The following MALRD1 variants were observed in gnomAD, a reference collection of about 807,000 sequenced individuals.
MALRD1 encodes MAM and LDL-receptor class A domain-containing protein 1.
Under a neutral mutation model 242.1 loss-of-function variants are expected in MALRD1, and 247 were observed. The observed-to-expected ratio is 1.02, with a 90% confidence interval of 0.92 to 1.13. The LOEUF (loss-of-function observed/expected upper bound fraction) is 1.13. MALRD1 is among the 50% of genes most tolerant of loss of function. The pLI, the probability that MALRD1 is intolerant of heterozygous loss-of-function variation, is 0.00. For synonymous variants in MALRD1, 995 were observed against 866.6 expected, an observed-to-expected ratio of 1.15 and a Z score of -2.60; for missense variants, 2,989 against 2,533.1, an observed-to-expected ratio of 1.18 and a Z score of -3.86.
Position 19,146,228 on chromosome 10 carries a change from G to T in MALRD1, c.1442G>T (p.Gly481Val). 1 of 1,231,642 alleles carries T rather than the reference G, an allele frequency of 8.1e-7. No homozygotes were observed. Among genetic ancestry groups the T allele is most frequent in the Non-Finnish European group, 1.0e-6 (1 of 987,936 alleles). The allele number at this position is 1,231,642 out of a possible 1,614,324, so 76.3% of individuals were successfully genotyped here. ...CATCTCACCTGTGACTTTGAGTCGG[G>T]TTTCTGCGGTTGGGAGCCATTTCTC... ...SKHLTCDFES[G>V]FCGWEPFLTE... Residue 481 changes from glycine to valine, a missense_variant, in exon 11 of 40, where the codon GGT becomes GTT. Gly to Val is a moderately radical substitution (Grantham distance 109). Transcript: ENST00000454679.
intron 26 of MALRD1, among the ~76,000 whole-genome samples, chr10:19,370,956 G>A (rs1054412353): frequency 2.0e-5 from 3 of 150,042 alleles, no homozygotes; most frequent in African/African-American, 7.3e-5. Flanking sequence ...TTAAAAAAGT[G>A]TTTTTCTTCC....
At chr10:19,113,792 TAC>T (rs753384799) in intron 5 of MALRD1, among the ~76,000 whole-genome samples, 3,595 of 134,380 alleles carry the variant, frequency 0.027, 72 homozygotes, top group African/African-American at 0.056. Context: ...TACCACCCCC[TAC>T]ACACACACAC....
chr10:19,612,993 G>T (rs1473020262), intron 35 of MALRD1, among the ~76,000 whole-genome samples: 1 of 151,886 alleles, frequency 6.6e-6, no homozygotes, highest in Non-Finnish European at 1.5e-5. Flanking sequence ...CCCTTTCCTT[G>T]TATGTTTTAC....
intron 11 of MALRD1, among the ~76,000 whole-genome samples, chr10:19,147,959 G>A (rs1392398584): frequency 6.6e-6 from 1 of 152,136 alleles, no homozygotes; most frequent in Non-Finnish European, 1.5e-5. Context: ...GATTGGACAG[G>A]GAGAAGAGAA....
chr10:19,529,447 T>G (rs1834241312), intron 31 of MALRD1, among the ~76,000 whole-genome samples: 2 of 145,740 alleles, frequency 1.4e-5, no homozygotes, highest in East Asian at 2.0e-4. Context: ...AGAAAAAGAA[T>G]GTAAAAACAG....
chr10:19,587,912 T>G (rs564735042), intron 33 of MALRD1, among the ~76,000 whole-genome samples: 264 of 14,228 alleles, frequency 0.019, no homozygotes, highest in African/African-American at 0.024. Context: ...ATCCTAGGTG[T>G]TTTTTTTTTT....
chr10:19,670,093 A>ACACAAACAC (rs1564529476), intron 36 of MALRD1, among the ~76,000 whole-genome samples: 40 of 115,178 alleles, frequency 3.5e-4, no homozygotes, highest in African/African-American at 1.2e-3. Context: ...CACACACACA[A>ACACAAACAC]ACACACACAC....
At chr10:19,287,509 GT>G (rs979634234) in intron 21 of MALRD1, among the ~76,000 whole-genome samples, 9 of 151,720 alleles carry the variant, frequency 5.9e-5, no homozygotes, top group African/African-American at 2.2e-4. Context: ...TGTTTCCTTT[GT>G]TTATATTTTT....
chr10:19,632,379 C>T lies in MALRD1; in HGVS notation c.6137+16456C>T, dbSNP rs573265678. ...AGCAGGAAGCCAGCCAACCAGGCAA[C>T]ATGGATAGGAAAGCAGTCCATAGAT... On this transcript the variant is annotated intron_variant, in intron 36 of 39. Transcript: ENST00000454679. Among the ~76,000 whole-genome samples, 9 of 152,222 alleles carry T rather than the reference C, an allele frequency of 5.9e-5. No homozygotes were observed. The South Asian group carries it at 1.7e-3, about 28-fold the overall frequency.
intron 38 of MALRD1, among the ~76,000 whole-genome samples, chr10:19,705,804 T>TAAAAAAAAAAAAAAAAAAAAAAAAAA (rs61437328): frequency 1.9e-5 from 2 of 102,904 alleles, no homozygotes; most frequent in African/African-American, 9.5e-5. Context: ...CCTGCAATAG[T>TAAAAAAAAAAAAAAAAAAAAAAAAAA]AAAAAAAAAA....
intron 18 of MALRD1, among the ~76,000 whole-genome samples, chr10:19,218,030 T>C (rs1436860989): frequency 1.3e-5 from 2 of 152,194 alleles, no homozygotes; most frequent in Non-Finnish European, 2.9e-5. Context: ...TCATTCTTTG[T>C]GCTCAATTCT....
chr10:19,483,050 A>G (rs1445387550), intron 29 of MALRD1, among the ~76,000 whole-genome samples: 1 of 152,154 alleles, frequency 6.6e-6, no homozygotes, highest in Non-Finnish European at 1.5e-5. Flanking sequence ...ACTGTATTAT[A>G]AGGCTACATT....
intron 2 of MALRD1, among the ~76,000 whole-genome samples, chr10:19,075,932 CG>C (rs1836814546): frequency 6.6e-6 from 1 of 151,930 alleles, no homozygotes; most frequent in South Asian, 2.1e-4. Flanking sequence ...TTGCTAATAA[CG>C]AACATTTGCA....
chr10:19,476,011 C>A (rs1304064895), intron 29 of MALRD1, among the ~76,000 whole-genome samples: 15 of 152,266 alleles, frequency 9.9e-5, no homozygotes, highest in Non-Finnish European at 8.8e-5. Flanking sequence ...ACAGTGGGAC[C>A]TAAAAAGAGC....
intron 18 of MALRD1, among the ~76,000 whole-genome samples, chr10:19,237,159 C>G (rs1037805984): frequency 5.3e-5 from 8 of 151,778 alleles, no homozygotes; most frequent in African/African-American, 1.9e-4. Flanking sequence ...ATCCTTTCTT[C>G]TAGACACTTT....
In MALRD1 at chr10:19,113,230, C is replaced by A. The variant is rs1263640645; in HGVS notation, c.694+9155C>A. Among the ~76,000 whole-genome samples, 3 of 152,130 alleles carry A rather than the reference C, an allele frequency of 2.0e-5. No individual in the cohort carries two copies. In the East Asian group the frequency reaches 5.8e-4, roughly 29 times the overall value. The stretch of plus-strand genomic sequence containing the variant: ...TCAATAAGTCTTACTGCCTCCAGGA[C>A]AGAATTCAAATATTTTATCATGATA... On this transcript the variant is annotated intron_variant, in intron 5 of 39. Transcript: ENST00000454679.
At chr10:19,146,413 T>C (rs1297208066) in intron 11 of MALRD1, 69 bp downstream of exon 11, 9 of 1,166,916 alleles carry the variant, frequency 7.7e-6, no homozygotes, top group Non-Finnish European at 9.7e-6. Flanking sequence ...TGATACTGTG[T>C]ATTTTCATTT....
intron 29 of MALRD1, among the ~76,000 whole-genome samples, chr10:19,464,637 A>T (rs1239349176): frequency 6.6e-6 from 1 of 152,094 alleles, no homozygotes; most frequent in African/African-American, 2.4e-5. Context: ...TTTGAAGTCA[A>T]GTAATGTGAT....
At chr10:19,625,144 G>C (rs971300246) in intron 36 of MALRD1, among the ~76,000 whole-genome samples, 4 of 152,026 alleles carry the variant, frequency 2.6e-5, no homozygotes, top group Non-Finnish European at 4.4e-5. Flanking sequence ...CTAGAGTCCA[G>C]ATTCAAACCT....
Sources: gnomAD v4.1 joint callset for allele counts (sites outside exome capture counted in the v4.1 genomes callset) on GRCh38, gnomAD v4.1.1 for gene constraint, MANE v1.5 for transcripts, NCBI Gene and HGNC (gene_info 2026-07-23, HGNC 2026-07-21) for gene names.